Variants in NCOA4 observed in about 807,000 individuals in gnomAD.
NCOA4 encodes 70 kDa AR-activator.
A neutral mutation model predicts 69.5 loss-of-function variants in NCOA4; 31 were observed. The observed-to-expected ratio is 0.45, with a 90% confidence interval of 0.34 to 0.60. The LOEUF (loss-of-function observed/expected upper bound fraction) is 0.60. Among genes scored for constraint, NCOA4 ranks in the 20% least tolerant of loss-of-function variants. The probability of loss-of-function intolerance (pLI) is 0.02; values close to 1 mark genes in which losing one functional copy is unlikely to be tolerated. For missense variants in NCOA4, 600 were observed against 719.2 expected (o/e 0.83, Z 1.90); for synonymous variants, 228 against 252.4 (o/e 0.90, Z 0.92).
Position 46,011,008 on chromosome 10 carries a change from G to A in NCOA4, c.913C>T (p.Leu305=), listed in dbSNP as rs1554921336. 1.2e-6 allele frequency: 2 copies of A among 1,613,930 alleles called. No homozygotes were observed. The highest frequency in any genetic ancestry group is 4.5e-5 in the East Asian group (2 of 44,882). Residue 305 remains leucine, a synonymous_variant, in exon 8 of 10, where the codon CTA becomes TTA. Coordinates refer to ENST00000581486, the MANE Select transcript of NCOA4 (RefSeq NM_001145263.2). ...TTATGGGATTCCTGGGGAGTCACTA[G>A]CCAATCTGATAGGTCCATCTCATCT... ...DQDEMDLSDW[L]VTPQESHKLR...
At chr10:46,016,777 C>T in intron 1 of NCOA4, 83 bp from the exon 2 acceptor site, 2 of 987,476 alleles carry the variant, frequency 2.0e-6, no homozygotes, top group East Asian at 3.0e-5. Context: ...ATGATCATTC[C>T]AGCCAACTCC....
At chr10:46,024,159 A>T (rs1166840755) in intron 1 of NCOA4, among the ~76,000 whole-genome samples, 1 of 152,230 alleles carries the variant, frequency 6.6e-6, no homozygotes, top group Non-Finnish European at 1.5e-5. Flanking sequence ...CATTATCAAA[A>T]ATAAGAAAAT....
chr10:46,023,849 T>A (rs1267696466), intron 1 of NCOA4, among the ~76,000 whole-genome samples: 1 of 152,240 alleles, frequency 6.6e-6, no homozygotes, highest in Non-Finnish European at 1.5e-5. Context: ...TTCCCTTTTC[T>A]CCAAGATAAT....
At chr10:46,025,610 C>G (rs543941613) in intron 1 of NCOA4, among the ~76,000 whole-genome samples, 9 of 152,218 alleles carry the variant, frequency 5.9e-5, no homozygotes, top group Non-Finnish European at 1.2e-4. Flanking sequence ...CTTGGCTATG[C>G]CAGTTCTGTC....
chr10:46,029,148 C>T (rs1032816719), intron 1 of NCOA4, among the ~76,000 whole-genome samples: 2 of 152,100 alleles, frequency 1.3e-5, no homozygotes, highest in South Asian at 2.1e-4. Context: ...TTTCCATTTC[C>T]GAAATGCCTG....
chr10:46,011,577 G>C (rs993038479), intron 7 of NCOA4, among the ~76,000 whole-genome samples: 5 of 151,988 alleles, frequency 3.3e-5, no homozygotes, highest in Admixed American at 1.3e-4. Context: ...GCCCGGCCCT[G>C]TCTGCATATT....
At chr10:46,007,052 A>G (rs1554919975) in intron 9 of NCOA4, among the ~76,000 whole-genome samples, 1 of 152,226 alleles carries the variant, frequency 6.6e-6, no homozygotes, top group African/African-American at 2.4e-5. Flanking sequence ...TGTGAGCACA[A>G]AAGCAAAGTT....
At chr10:46,009,612 T>C in intron 8 of NCOA4, 61 bp from the exon 9 acceptor site, 4 of 1,458,952 alleles carry the variant, frequency 2.7e-6, no homozygotes, top group Non-Finnish European at 3.8e-6. Flanking sequence ...GACCAACTTA[T>C]CTTCCAAATA....
In NCOA4 at chr10:46,011,154, C is replaced by A; in HGVS notation, c.767G>T (p.Gly256Val). 1 of 1,608,200 alleles carries A rather than the reference C, an allele frequency of 6.2e-7. No individual in the cohort carries two copies. The highest frequency in any genetic ancestry group is 1.1e-5 in the South Asian group (1 of 89,964). Reference protein sequence around the residue: ...FFNNVGGNLKGLENWLLKSEK... With the variant: ...FFNNVGGNLKVLENWLLKSEK... ...ACTCTTGAGGAGCCAGTTTTCTAAG[C>A]CCTTTAGGTTTCCCCCGACATTATT... The change falls in exon 8 of 10, where the codon GGC becomes GTC. Residue 256 changes from glycine to valine, a missense_variant. Transcript: ENST00000581486.
intron 1 of NCOA4, among the ~76,000 whole-genome samples, chr10:46,026,053 G>C (rs782478198): frequency 6.6e-6 from 1 of 152,116 alleles, no homozygotes; most frequent in African/African-American, 2.4e-5. Flanking sequence ...TTGGACAAAC[G>C]GATGAATATA....
intron 9 of NCOA4, among the ~76,000 whole-genome samples, chr10:46,008,547 AG>A (rs1236437416): frequency 6.6e-6 from 1 of 152,230 alleles, no homozygotes; most frequent in Non-Finnish European, 1.5e-5. Context: ...TAAACGGATG[AG>A]CAGTTGCTTC....
intron 9 of NCOA4, 96 bp downstream of exon 9, chr10:46,009,315 T>C: frequency 2.0e-6 from 3 of 1,495,116 alleles, no homozygotes; most frequent in Non-Finnish European, 2.8e-6. Flanking sequence ...AAAAGGGATA[T>C]GGTTCAGTGA....
intron 9 of NCOA4, among the ~76,000 whole-genome samples, chr10:46,007,516 A>G (rs1838903978): frequency 6.6e-6 from 1 of 151,848 alleles, no homozygotes; most frequent in African/African-American, 2.4e-5. Context: ...CTAGAGAGAT[A>G]AGTGAATGCC....
In NCOA4 at chr10:46,008,574, GAA is replaced by G. The variant is rs111625189; in HGVS notation, c.1839+835_1839+836del. Among the ~76,000 whole-genome samples the G allele has an allele frequency of 1.0e-3, 154 of 152,320 alleles. 1 individual carries two copies. The Middle Eastern group carries it at 0.024, about 24-fold the overall frequency. Reference sequence around the variant, plus strand: ...CAGTTGCTTCTTACGGATGAGCAAAGAAAGTGATTTCTTGAGATAGAATCTAC... The same window carrying G: ...CAGTTGCTTCTTACGGATGAGCAAAGAGTGATTTCTTGAGATAGAATCTAC... On this transcript the variant is annotated intron_variant, in intron 9 of 9. Transcript: ENST00000581486.
chr10:46,014,380 T>G (rs1479487917), intron 5 of NCOA4, 64 bp downstream of exon 5: 1 of 1,215,296 alleles, frequency 8.2e-7, no homozygotes, highest in Non-Finnish European at 1.2e-6. Flanking sequence ...AGCAATTTTT[T>G]TTAAGACCAG....
At chr10:46,030,204 T>G (rs1840382820) in intron 1 of NCOA4, among the ~76,000 whole-genome samples, 1 of 150,436 alleles carries the variant, frequency 6.6e-6, no homozygotes, top group Admixed American at 6.6e-5. Flanking sequence ...CCGAGCCGGG[T>G]GTGAGGAGGG....
rs782370293 is a variant in NCOA4, at chr10:46,013,534, C to A, written c.570+16G>T. The A allele has an allele frequency of 6.3e-7, 1 of 1,583,028 alleles. No homozygotes were observed. The highest frequency in any genetic ancestry group is 8.7e-7 in the Non-Finnish European group (1 of 1,155,732). ...CAAGTAATGACTCAATTACCAAAAA[C>A]AAAATGATATTTTACCTGCTCTGGC... On this transcript the variant is annotated intron_variant, in intron 6 of 9. Coordinates refer to ENST00000581486, the MANE Select transcript of NCOA4 (RefSeq NM_001145263.2).
intron 1 of NCOA4, among the ~76,000 whole-genome samples, chr10:46,024,800 A>C (rs1292189991): frequency 6.6e-6 from 1 of 152,186 alleles, no homozygotes; most frequent in East Asian, 1.9e-4. Context: ...TCAAAACAAC[A>C]ACCAACCATC....
At chr10:46,030,177 C>T (rs1360232634) in intron 1 of NCOA4, among the ~76,000 whole-genome samples, 1 of 152,082 alleles carries the variant, frequency 6.6e-6, no homozygotes, top group African/African-American at 2.4e-5. Flanking sequence ...GGAAGGCCGG[C>T]GGGGAGCAGG....
Sources: allele counts gnomAD v4.1 joint callset (sites outside exome capture counted in the v4.1 genomes callset), GRCh38; gene constraint gnomAD v4.1.1; transcripts MANE v1.5; gene names NCBI Gene and HGNC (gene_info 2026-07-23, HGNC 2026-07-21).